Variants in MYPN observed in about 807,000 individuals in gnomAD.
The protein encoded by MYPN is myopalladin.
In MYPN, 63 loss-of-function variants were observed where a neutral mutation model predicts 129.4. That is an observed-to-expected ratio of 0.49 (90% confidence interval 0.40 to 0.60). The LOEUF is 0.60. Ranked by LOEUF, MYPN falls within the 20% of genes least tolerant of loss-of-function variation. The pLI, the probability that MYPN is intolerant of heterozygous loss-of-function variation, is 0.00. For synonymous variants in MYPN, 629 were observed against 600.9 expected, an observed-to-expected ratio of 1.05 and a Z score of -0.68; for missense variants, 1,596 against 1,635.4, an observed-to-expected ratio of 0.98 and a Z score of 0.42.
rs1260609204 is a variant in MYPN, at chr10:68,121,711, A to G, written c.273A>G (p.Ala91=). The G allele has an allele frequency of 6.2e-7, 1 of 1,614,220 alleles. No homozygotes were observed. The highest frequency in any genetic ancestry group is 1.1e-5 in the South Asian group (1 of 91,082). ...TCAATTACGACCCTTTGGAGAAGGC[A>G]GATGAAACTCAAGCTAGAAAACGAC... The part of the protein sequence containing the change: ...LAINYDPLEK[A]DETQARKRLS... The change falls in exon 2 of 20, where the codon GCA becomes GCG. Residue 91 remains alanine, a synonymous_variant. Transcript: ENST00000358913.
At chr10:68,168,560 A>G (rs2043089423) in intron 10 of MYPN, among the ~76,000 whole-genome samples, 1 of 152,208 alleles carries the variant, frequency 6.6e-6, no homozygotes, top group South Asian at 2.1e-4. Context: ...CGTTTCAGGA[A>G]GACAAGAATT....
chr10:68,167,763 T>C (rs992249461), intron 10 of MYPN, among the ~76,000 whole-genome samples: 1 of 152,168 alleles, frequency 6.6e-6, no homozygotes, highest in Non-Finnish European at 1.5e-5. Context: ...TTCAATGTTG[T>C]GAAACATGCC....
chr10:68,123,375 A>G (rs576413266), intron 2 of MYPN, among the ~76,000 whole-genome samples: 148 of 135,600 alleles, frequency 1.1e-3, no homozygotes, highest in African/African-American at 4.0e-3. Flanking sequence ...CGGAGGCTCC[A>G]TCTCAAAATG....
At chr10:68,090,437 T>G (rs922855418) in intron 1 of MYPN, among the ~76,000 whole-genome samples, 2 of 152,146 alleles carry the variant, frequency 1.3e-5, no homozygotes, top group Non-Finnish European at 2.9e-5. Flanking sequence ...AGTGCTAGGA[T>G]TACAGGCGTG....
intron 11 of MYPN, 125 bp from the exon 12 acceptor site, chr10:68,175,198 C>T (rs1191116302): frequency 9.7e-6 from 10 of 1,031,884 alleles, no homozygotes; most frequent in Non-Finnish European, 1.5e-5. Flanking sequence ...CTGCACAGGG[C>T]TTAATTCCCT....
chr10:68,127,298 C>T (rs2042340458), intron 2 of MYPN, among the ~76,000 whole-genome samples: 1 of 151,288 alleles, frequency 6.6e-6, no homozygotes, highest in South Asian at 2.1e-4. Context: ...AGCTACCATG[C>T]CCAGCCTGGG....
At chr10:68,180,065 G>C (rs1209418094) in intron 12 of MYPN, among the ~76,000 whole-genome samples, 2 of 152,216 alleles carry the variant, frequency 1.3e-5, no homozygotes, top group East Asian at 3.8e-4. Flanking sequence ...GTCTATCACA[G>C]TGTTTAGCAC....
At chr10:68,161,669 T>G in intron 7 of MYPN, 60 bp from the exon 8 acceptor site, 1 of 1,375,246 alleles carries the variant, frequency 7.3e-7, no homozygotes, top group Admixed American at 1.7e-5. Context: ...AAGCTTCTGA[T>G]GAACATGTAG....
intron 1 of MYPN, among the ~76,000 whole-genome samples, chr10:68,119,105 T>C (rs1288455032): frequency 1.3e-5 from 2 of 152,130 alleles, no homozygotes; most frequent in African/African-American, 4.8e-5. Context: ...TCAAATAACA[T>C]TTTGCACCTT....
intron 19 of MYPN, among the ~76,000 whole-genome samples, chr10:68,208,733 G>A (rs2043857243): frequency 6.6e-6 from 1 of 152,126 alleles, no homozygotes; most frequent in South Asian, 2.1e-4. Flanking sequence ...TCCTCAGTTG[G>A]GACCTAGGAT....
intron 11 of MYPN, 144 bp downstream of exon 11, chr10:68,174,800 T>C (rs2043201516): frequency 1.3e-6 from 1 of 790,918 alleles, no homozygotes; most frequent in South Asian, 1.5e-5. Flanking sequence ...TGTGGAACAC[T>C]TCAGGACAAA....
chr10:68,136,896 T>C (rs970842325), intron 2 of MYPN, among the ~76,000 whole-genome samples: 1 of 152,218 alleles, frequency 6.6e-6, no homozygotes, highest in Non-Finnish European at 1.5e-5. Context: ...TTTTCAACTC[T>C]TTTTTGCAAT....
chr10:68,092,072 G>A (rs1208577379), intron 1 of MYPN, among the ~76,000 whole-genome samples: 1 of 151,980 alleles, frequency 6.6e-6, no homozygotes, highest in African/African-American at 2.4e-5. Flanking sequence ...ACAGAGCACA[G>A]CTCTGTCTCT....
intron 2 of MYPN, among the ~76,000 whole-genome samples, chr10:68,123,967 TA>T (rs1188580092): frequency 2.0e-5 from 3 of 152,206 alleles, no homozygotes; most frequent in Admixed American, 2.0e-4. Flanking sequence ...ATACATGTAT[TA>T]AATGTATTAT....
intron 18 of MYPN, 123 bp downstream of exon 18, chr10:68,202,117 T>C (rs956065376): frequency 2.6e-6 from 3 of 1,175,404 alleles, no homozygotes; most frequent in East Asian, 2.4e-5. Flanking sequence ...TTGCGTTTCA[T>C]TGATATTATT....
At chr10:68,205,546 G>C (rs947205099) in intron 18 of MYPN, among the ~76,000 whole-genome samples, 4 of 151,398 alleles carry the variant, frequency 2.6e-5, no homozygotes, top group Admixed American at 2.6e-4. Flanking sequence ...AATTAGGCAG[G>C]CATGGTGGCA....
At chr10:68,163,294 C>CA (rs1326283350) in intron 8 of MYPN, among the ~76,000 whole-genome samples, 4 of 151,070 alleles carry the variant, frequency 2.6e-5, no homozygotes, top group Non-Finnish European at 5.9e-5. Flanking sequence ...GACCTTGTCT[C>CA]AAAAAAAATA....
intron 7 of MYPN, among the ~76,000 whole-genome samples, chr10:68,160,429 C>CAAAAAAAAAAAAAAAAAAAAAAAAAAAA (rs56201900): frequency 1.6e-5 from 1 of 62,074 alleles, no homozygotes; most frequent in Non-Finnish European, 2.7e-5. Flanking sequence ...GACCTTATCT[C>CAAAAAAAAAAAAAAAAAAAAAAAAAAAA]AAAAAAAAAA....
At chr10:68,139,168 G>T (rs2042534625) in intron 2 of MYPN, among the ~76,000 whole-genome samples, 1 of 152,152 alleles carries the variant, frequency 6.6e-6, no homozygotes, top group Admixed American at 6.5e-5. Context: ...CAGAAGAGGA[G>T]AAGTGACCTA....
Sources: gnomAD v4.1 joint callset for allele counts (sites outside exome capture counted in the v4.1 genomes callset) on GRCh38, gnomAD v4.1.1 for gene constraint, MANE v1.5 for transcripts, NCBI Gene and HGNC (gene_info 2026-07-23, HGNC 2026-07-21) for gene names.